The following DOK6 variants were observed in gnomAD, a reference collection of about 807,000 sequenced individuals.
The protein encoded by DOK6 is docking protein 6.
Under a neutral mutation model 44.0 loss-of-function variants are expected in DOK6, and 22 were observed. That is an observed-to-expected ratio of 0.50 (90% confidence interval 0.36 to 0.71). The LOEUF (loss-of-function observed/expected upper bound fraction) is 0.71. Among genes scored for constraint, DOK6 ranks in the 30% least tolerant of loss-of-function variants. DOK6 has a pLI of 0.00. For missense variants in DOK6, 340 were observed against 416.4 expected, an observed-to-expected ratio of 0.82 and a Z score of 1.60; for synonymous variants, 166 against 145.5, an observed-to-expected ratio of 1.14 and a Z score of -1.01.
At chr18:69,489,361 ATCT>A (rs1305436160) in intron 1 of DOK6, among the ~76,000 whole-genome samples, 1 of 152,190 alleles carries the variant, frequency 6.6e-6, no homozygotes, top group South Asian at 2.1e-4. Flanking sequence ...AAGGTCCATC[ATCT>A]TCCTACCAGT....
chr18:69,773,552 T>G (rs1979951787), intron 7 of DOK6, among the ~76,000 whole-genome samples: 2 of 151,914 alleles, frequency 1.3e-5, no homozygotes, highest in East Asian at 3.9e-4. Flanking sequence ...GGATGAGCCT[T>G]GAGGATGTTA....
At chr18:69,698,983 T>G (rs78557080) in intron 5 of DOK6, among the ~76,000 whole-genome samples, 1 of 152,228 alleles carries the variant, frequency 6.6e-6, no homozygotes, top group Non-Finnish European at 1.5e-5. Context: ...TGAGTGTTTT[T>G]TAATAAGCAA....
intron 7 of DOK6, among the ~76,000 whole-genome samples, chr18:69,803,751 C>G (rs191922783): frequency 1.3e-5 from 2 of 151,960 alleles, no homozygotes; most frequent in African/African-American, 2.4e-5. Flanking sequence ...CCCAGCTACT[C>G]GGGAGGCTGA....
chr18:69,727,188 A>T (rs924645081), intron 5 of DOK6, among the ~76,000 whole-genome samples: 1 of 152,130 alleles, frequency 6.6e-6, no homozygotes, highest in African/African-American at 2.4e-5. Context: ...CACTAATCCC[A>T]TTCATGAGAG....
At chr18:69,785,216 C>A (rs1476928731) in intron 7 of DOK6, among the ~76,000 whole-genome samples, 1 of 152,160 alleles carries the variant, frequency 6.6e-6, no homozygotes, top group East Asian at 1.9e-4. Flanking sequence ...CTGTTTGGAG[C>A]TGGACACTAA....
chr18:69,734,433 G>T (rs1005707457), intron 5 of DOK6, among the ~76,000 whole-genome samples: 2 of 131,040 alleles, frequency 1.5e-5, no homozygotes, highest in Admixed American at 1.6e-4. Flanking sequence ...TTCTAGCATC[G>T]TTAAATGACA....
chr18:69,663,443 C>T (rs1985579876), intron 3 of DOK6: 1 of 151,402 alleles, frequency 6.6e-6, no homozygotes, highest in African/African-American at 2.4e-5. Flanking sequence ...AAAAAGAAAT[C>T]ACAAGTCAGT....
intron 1 of DOK6, among the ~76,000 whole-genome samples, chr18:69,424,178 G>C (rs1285172579): frequency 6.6e-6 from 1 of 152,126 alleles, no homozygotes; most frequent in Non-Finnish European, 1.5e-5. Flanking sequence ...TATATGCTTA[G>C]AGGTGGATTT....
At chr18:69,713,999 C>T (rs1256775818) in intron 5 of DOK6, among the ~76,000 whole-genome samples, 6 of 152,170 alleles carry the variant, frequency 3.9e-5, no homozygotes, top group Non-Finnish European at 5.9e-5. Flanking sequence ...AATCTATGAT[C>T]ATTTCTGTCT....
chr18:69,464,340 T>G (rs955725843), intron 1 of DOK6, among the ~76,000 whole-genome samples: 1 of 152,208 alleles, frequency 6.6e-6, no homozygotes, highest in East Asian at 1.9e-4. Flanking sequence ...GGAGTGGGTA[T>G]GTTTGTTTTT....
chr18:69,530,876 C>T (rs1407811313), intron 1 of DOK6, among the ~76,000 whole-genome samples: 1 of 151,978 alleles, frequency 6.6e-6, no homozygotes, highest in Admixed American at 6.6e-5. Flanking sequence ...TTAAAGTCTC[C>T]TATTATTATT....
chr18:69,672,735 A>G (rs941793528), intron 3 of DOK6, among the ~76,000 whole-genome samples: 2 of 151,968 alleles, frequency 1.3e-5, no homozygotes, highest in Admixed American at 1.3e-4. Context: ...TGGGGAAACA[A>G]AAGTCCATGA....
chr18:69,490,995 G>A (rs748386273), intron 1 of DOK6, among the ~76,000 whole-genome samples: 11 of 152,310 alleles, frequency 7.2e-5, no homozygotes, highest in South Asian at 2.1e-4. Flanking sequence ...TGCCGGCAGC[G>A]GAGGAGCAGA....
chr18:69,579,524 C>G (rs1471228453), intron 2 of DOK6, among the ~76,000 whole-genome samples: 1 of 151,692 alleles, frequency 6.6e-6, no homozygotes, highest in African/African-American at 2.4e-5. Context: ...AGTCCTAAAG[C>G]TGGTTTGTCC....
At chr18:69,499,083 T>C (rs1459261430) in intron 1 of DOK6, among the ~76,000 whole-genome samples, 2 of 152,144 alleles carry the variant, frequency 1.3e-5, no homozygotes, top group African/African-American at 4.8e-5. Flanking sequence ...CATTTCGCAA[T>C]GGTATATGCT....
In DOK6 at chr18:69,732,745, G is replaced by A. The variant is rs534055903; in HGVS notation, c.600-6220G>A. ...AGTACAAATGTGTACCTTAGATATG[G>A]TTTATGTTCACTCTTTCATTTAAAA... On this transcript the variant is annotated intron_variant, in intron 5 of 7. Coordinates refer to ENST00000382713, the MANE Select transcript of DOK6 (RefSeq NM_152721.6). Among the ~76,000 whole-genome samples, 3 of 152,242 alleles carry A rather than the reference G, an allele frequency of 2.0e-5. No homozygotes were observed. The East Asian group carries it at 5.8e-4, about 29-fold the overall frequency.
At chr18:69,460,628 A>G (rs1163044926) in intron 1 of DOK6, among the ~76,000 whole-genome samples, 3 of 152,234 alleles carry the variant, frequency 2.0e-5, no homozygotes, top group Non-Finnish European at 4.4e-5. Flanking sequence ...AGAAATTGTA[A>G]CAAATTGTTG....
intron 1 of DOK6, among the ~76,000 whole-genome samples, chr18:69,407,903 A>G (rs1280032855): frequency 6.6e-6 from 1 of 152,260 alleles, no homozygotes; most frequent in African/African-American, 2.4e-5. Flanking sequence ...TTGAGACTTC[A>G]TAATGGTAAC....
intron 5 of DOK6, among the ~76,000 whole-genome samples, chr18:69,726,652 T>C (rs1222344735): frequency 6.6e-6 from 1 of 151,560 alleles, no homozygotes; most frequent in Non-Finnish European, 1.5e-5. Context: ...TATGTACATG[T>C]ATGTATATGT....
Sources: allele counts gnomAD v4.1 joint callset (sites outside exome capture counted in the v4.1 genomes callset), GRCh38; gene constraint gnomAD v4.1.1; transcripts MANE v1.5; gene names NCBI Gene and HGNC (gene_info 2026-07-23, HGNC 2026-07-21).